EAF2: variants seen among roughly 807,000 people sequenced by gnomAD.
The protein encoded by EAF2 is ELL associated factor 2, also known as ELL-associated factor 2.
Under a neutral mutation model 29.4 loss-of-function variants are expected in EAF2, and 29 were observed. The observed-to-expected ratio is 0.99, with a 90% CI of 0.73 to 1.35. The LOEUF is 1.35. Ranked by LOEUF, EAF2 falls within the 40% of genes most tolerant of loss-of-function variation. The pLI is 0.00. For synonymous variants in EAF2, 103 were observed against 102.5 expected, an observed-to-expected ratio of 1.00 and a Z score of -0.03; for missense variants, 292 against 312.0, an observed-to-expected ratio of 0.94 and a Z score of 0.48.
chr3:121,870,461 A>G (rs2107537065), intron 4 of EAF2, among the ~76,000 whole-genome samples: 1 of 152,304 alleles, frequency 6.6e-6, no homozygotes, highest in South Asian at 2.1e-4. Flanking sequence ...TGTCTTGAAG[A>G]GAATTAAACT....
intron 2 of EAF2, among the ~76,000 whole-genome samples, chr3:121,845,440 C>CAAAAAAAAAAA (rs747436052): frequency 5.0e-5 from 3 of 59,954 alleles, no homozygotes; most frequent in Non-Finnish European, 9.2e-5. Flanking sequence ...TCCTACATCT[C>CAAAAAAAAAAA]AAAAAAAAAA....
intron 5 of EAF2, among the ~76,000 whole-genome samples, chr3:121,883,948 T>G (rs1709233479): frequency 3.9e-5 from 6 of 152,198 alleles, no homozygotes; most frequent in Admixed American, 3.9e-4. Flanking sequence ...TCTGAGTACG[T>G]TTGGGTTTGT....
chr3:121,854,651 T>A, intron 2 of EAF2, 36 bp from the exon 3 acceptor site: 1 of 1,464,136 alleles, frequency 6.8e-7, no homozygotes, highest in Non-Finnish European at 9.0e-7. Context: ...ATTCCTATGA[T>A]AAATTTTAAG....
intron 5 of EAF2, among the ~76,000 whole-genome samples, chr3:121,878,688 A>G (rs1709143734): frequency 6.6e-6 from 1 of 152,168 alleles, no homozygotes; most frequent in Non-Finnish European, 1.5e-5. Context: ...TTCACTTAAC[A>G]TAATGACTTC....
chr3:121,867,765 C>A (rs2107533768), intron 4 of EAF2, among the ~76,000 whole-genome samples: 1 of 152,268 alleles, frequency 6.6e-6, no homozygotes, highest in Admixed American at 6.5e-5. Flanking sequence ...TTCCTCATGA[C>A]TTTTCTAAAT....
intron 5 of EAF2, among the ~76,000 whole-genome samples, chr3:121,876,199 G>C (rs1039047438): frequency 2.0e-5 from 3 of 151,858 alleles, no homozygotes; most frequent in African/African-American, 7.2e-5. Flanking sequence ...TCTGACAGCA[G>C]ACACTCTTAG....
intron 2 of EAF2, among the ~76,000 whole-genome samples, chr3:121,848,891 CA>C (rs199867588): frequency 6.6e-6 from 1 of 151,016 alleles, no homozygotes; most frequent in African/African-American, 2.4e-5. Flanking sequence ...CCCCCCCACA[CA>C]AAAAAAAGAG....
intron 5 of EAF2, among the ~76,000 whole-genome samples, chr3:121,881,909 A>G (rs1709196911): frequency 6.6e-6 from 1 of 152,188 alleles, no homozygotes; most frequent in African/African-American, 2.4e-5. Context: ...CAACCAAATA[A>G]GGGTCATCAC....
In EAF2 at chr3:121,872,731, A is replaced by G; in HGVS notation, c.679A>G (p.Ile227Val). 1 of 1,612,678 alleles carries G rather than the reference A, an allele frequency of 6.2e-7. No individual in the cohort carries two copies. The highest frequency in any genetic ancestry group is 8.5e-7 in the Non-Finnish European group (1 of 1,179,074). ...CATGACACAGTACAGGATTCCTGAT[A>G]TAGATGCCAGTCATAATAGATTTCG... ...PTMTQYRIPD[I>V]DASHNRFRDN... is the part of the protein sequence containing the mutation. Residue 227 changes from isoleucine (I) to valine (V), a missense_variant, in exon 5 of 6, where the codon ATA becomes GTA. Ile to Val is a conservative substitution (Grantham distance 29, BLOSUM62 3). Transcript: ENST00000273668.
At chr3:121,839,247 T>C (rs1223276054) in intron 1 of EAF2, among the ~76,000 whole-genome samples, 1 of 152,208 alleles carries the variant, frequency 6.6e-6, no homozygotes, top group Non-Finnish European at 1.5e-5. Flanking sequence ...AATCAGATGA[T>C]AAGCTGGCAA....
rs1398224561 is a variant in EAF2, at chr3:121,835,240, TAGTG to T, written c.-43_-40del. On this transcript the variant is annotated 5_prime_UTR_variant, in exon 1 of 6. Transcript: ENST00000273668. ...AGCTGCTTCAGGCTGAGGTGGCAGA[TAGTG>T]AGCGCTGGTGGCGGAGTTAAAGTCA... 13 of 1,577,346 alleles carry T rather than the reference TAGTG, an allele frequency of 8.2e-6. No individual in the cohort carries two copies. The highest frequency in any genetic ancestry group is 1.0e-5 in the Non-Finnish European group (12 of 1,146,848).
At chr3:121,844,768 A>T (rs915167226) in intron 2 of EAF2, among the ~76,000 whole-genome samples, 1 of 152,238 alleles carries the variant, frequency 6.6e-6, no homozygotes, top group Non-Finnish European at 1.5e-5. Context: ...TTTGAAAAAA[A>T]ATTAGAGTCT....
chr3:121,885,551 T>G (rs1318573527), intron 5 of EAF2, among the ~76,000 whole-genome samples: 1 of 152,236 alleles, frequency 6.6e-6, no homozygotes, highest in Non-Finnish European at 1.5e-5. Flanking sequence ...TACTGTTATC[T>G]TCCTTATTCA....
chr3:121,874,333 T>C (rs1262175008), intron 5 of EAF2, among the ~76,000 whole-genome samples: 17 of 151,834 alleles, frequency 1.1e-4, no homozygotes, highest in Admixed American at 1.1e-3. Flanking sequence ...GAATTTCCAG[T>C]TATTTAGTGT....
chr3:121,881,066 G>C (rs1385437912), intron 5 of EAF2, among the ~76,000 whole-genome samples: 1 of 152,134 alleles, frequency 6.6e-6, no homozygotes, highest in Admixed American at 6.5e-5. Context: ...TTACATCTCT[G>C]GGATAAATCC....
intron 2 of EAF2, among the ~76,000 whole-genome samples, chr3:121,848,185 A>G (rs1708562993): frequency 6.6e-6 from 1 of 152,188 alleles, no homozygotes; most frequent in African/African-American, 2.4e-5. Flanking sequence ...TGGAATTGTT[A>G]AGCCGCCTCT....
chr3:121,852,732 A>G (rs1047217987), intron 2 of EAF2, among the ~76,000 whole-genome samples: 1 of 152,192 alleles, frequency 6.6e-6, no homozygotes, highest in African/African-American at 2.4e-5. Context: ...GCCTTTTTAG[A>G]GGTCATCCTT....
intron 3 of EAF2, among the ~76,000 whole-genome samples, 176 bp from the exon 4 acceptor site, chr3:121,856,835 A>G (rs1290137024): frequency 6.6e-6 from 1 of 152,180 alleles, no homozygotes; most frequent in African/African-American, 2.4e-5. Flanking sequence ...GTATCACAGA[A>G]ATAGAACTTG....
intron 4 of EAF2, among the ~76,000 whole-genome samples, chr3:121,867,624 C>G (rs1341578282): frequency 1.3e-5 from 2 of 152,128 alleles, no homozygotes; most frequent in South Asian, 4.1e-4. Flanking sequence ...AGGAAACTAT[C>G]CTTAAATATT....
Sources: allele counts gnomAD v4.1 joint callset (sites outside exome capture counted in the v4.1 genomes callset), GRCh38; gene constraint gnomAD v4.1.1; transcripts MANE v1.5; gene names NCBI Gene and HGNC (gene_info 2026-07-23, HGNC 2026-07-21).